KANK1: variants seen among roughly 807,000 people sequenced by gnomAD.
KANK1 encodes KN motif and ankyrin repeat domains 1, also known as KN motif and ankyrin repeat domain-containing protein 1.
KANK1 carries 109 observed loss-of-function variants against 106.2 expected under a neutral mutation model. The observed-to-expected ratio is 1.03, with a 90% confidence interval of 0.88 to 1.20. KANK1 has a LOEUF of 1.20. Ranked by LOEUF, KANK1 falls within the 50% of genes most tolerant of loss-of-function variation. The pLI is 0.00. For synonymous variants in KANK1, 873 were observed against 652.2 expected, an observed-to-expected ratio of 1.34 and a Z score of -5.16; for missense variants, 2,399 against 1,710.7, an observed-to-expected ratio of 1.40 and a Z score of -7.10.
At chr9:695,814 G>A (rs575080939) in intron 2 of KANK1, among the ~76,000 whole-genome samples, 2 of 152,266 alleles carry the variant, frequency 1.3e-5, no homozygotes, top group East Asian at 3.9e-4. Context: ...GCCGACAGCT[G>A]CAAAGCAGCA....
At chr9:572,510 C>G (rs987599576) in intron 1 of KANK1, among the ~76,000 whole-genome samples, 2 of 151,908 alleles carry the variant, frequency 1.3e-5, no homozygotes, top group African/African-American at 4.8e-5. Flanking sequence ...CGAGATCGCT[C>G]CACTGCACTC....
At chr9:614,338 A>G (rs1831283895) in intron 1 of KANK1, among the ~76,000 whole-genome samples, 1 of 152,204 alleles carries the variant, frequency 6.6e-6, no homozygotes, top group African/African-American at 2.4e-5. Context: ...CTATTCAGGT[A>G]ATAGGATCTT....
chr9:553,679 G>T (rs2061410037), intron 1 of KANK1, among the ~76,000 whole-genome samples: 1 of 152,184 alleles, frequency 6.6e-6, no homozygotes, highest in African/African-American at 2.4e-5. Flanking sequence ...TGAAGTATGA[G>T]AAAAATATAA....
intron 1 of KANK1, among the ~76,000 whole-genome samples, chr9:566,414 G>C (rs1456091226): frequency 6.6e-6 from 1 of 152,186 alleles, no homozygotes; most frequent in African/African-American, 2.4e-5. Context: ...TATATTTTTA[G>C]AACTTTGAAG....
chr9:574,799 G>T (rs557766009), intron 1 of KANK1, among the ~76,000 whole-genome samples: 2 of 148,590 alleles, frequency 1.3e-5, no homozygotes, highest in African/African-American at 5.0e-5. Context: ...AGGTTGCAGT[G>T]AGCCGAGATT....
chr9:629,201 G>T (rs1835081294), intron 1 of KANK1, among the ~76,000 whole-genome samples: 1 of 152,016 alleles, frequency 6.6e-6, no homozygotes, highest in South Asian at 2.1e-4. Context: ...CATGAGAGTT[G>T]CTCCCAGCCG....
intron 1 of KANK1, among the ~76,000 whole-genome samples, chr9:651,804 G>T (rs1840937800): frequency 6.6e-6 from 1 of 152,182 alleles, no homozygotes; most frequent in Admixed American, 6.5e-5. Flanking sequence ...TACCAACATA[G>T]ATAATGTTTG....
chr9:684,682 G>C (rs1312333583), intron 2 of KANK1: 3 of 640,740 alleles, frequency 4.7e-6, no homozygotes, highest in African/African-American at 2.0e-5. Context: ...TCCTTTTCCA[G>C]GGTTTGCCTT....
At position 554,300 on chromosome 9, in the gene KANK1, G is replaced by A. The variant is rs57157287; in HGVS notation, c.-84+49546G>A. ...GTCTGAAGATCCAAGAACCAGGTGC[G>A]CTGATGTCTGAGGGCAGGAAAAGAT... On this transcript the variant is annotated intron_variant, in intron 1 of 11. Transcript: ENST00000382297. Among the ~76,000 whole-genome samples, 1,038 of 152,274 alleles carry A rather than the reference G, an allele frequency of 6.8e-3. 15 individuals carry two copies. The highest frequency in any genetic ancestry group is 0.023 in the African/African-American group (947 of 41,552).
intron 1 of KANK1, chr9:540,707 T>G (rs1262009991): frequency 6.6e-6 from 1 of 152,232 alleles, no homozygotes; most frequent in Non-Finnish European, 1.5e-5. Flanking sequence ...TTACTATTGG[T>G]CTCTTCAGAT....
intron 7 of KANK1, among the ~76,000 whole-genome samples, chr9:737,557 G>C (rs997317914): frequency 2.6e-5 from 4 of 152,206 alleles, no homozygotes; most frequent in Non-Finnish European, 5.9e-5. Context: ...CATCCACAAA[G>C]CAAGTGCCTT....
At chr9:494,758 G>C (rs1047373305) in intron 3 of KANK1, among the ~76,000 whole-genome samples, 1 of 152,236 alleles carries the variant, frequency 6.6e-6, no homozygotes, top group African/African-American at 2.4e-5. Context: ...CCCCGCTACT[G>C]TATGTCACAC....
Position 529,437 on chromosome 9 carries a change from G to C in KANK1, c.-84+24683G>C, listed in dbSNP as rs1038040816. On this transcript the variant is annotated intron_variant, in intron 1 of 11. Coordinates refer to ENST00000382297, the MANE Select transcript of KANK1 (RefSeq NM_015158.5). Reference sequence around the variant, plus strand: ...GATGGTGTTGATCTCTCGACCTCGTGATCCACTTGCCTTCGCCTTCCAAAG... The same window carrying C: ...GATGGTGTTGATCTCTCGACCTCGTCATCCACTTGCCTTCGCCTTCCAAAG... Among the ~76,000 whole-genome samples the C allele has an allele frequency of 5.9e-5, 9 of 151,782 alleles. No individual in the cohort carries two copies. In the East Asian group the frequency reaches 1.2e-3, roughly 20 times the overall value.
intron 3 of KANK1, among the ~76,000 whole-genome samples, chr9:729,063 C>A (rs1478141905): frequency 6.6e-6 from 1 of 152,162 alleles, no homozygotes; most frequent in Admixed American, 6.5e-5. Context: ...TCAGAGTAAA[C>A]CTCTTTTTTA....
At chr9:552,778 G>A (rs1401270417) in intron 1 of KANK1, among the ~76,000 whole-genome samples, 1 of 152,170 alleles carries the variant, frequency 6.6e-6, no homozygotes, top group African/African-American at 2.4e-5. Flanking sequence ...GGTGCTTGTG[G>A]TTAGGTATTG....
At chr9:510,067 C>T (rs946647880) in intron 1 of KANK1, among the ~76,000 whole-genome samples, 2 of 151,980 alleles carry the variant, frequency 1.3e-5, no homozygotes, top group Non-Finnish European at 2.9e-5. Context: ...CCTCCTTGCC[C>T]TCCTAAAAGT....
At chr9:703,938 T>C (rs1020348153) in intron 2 of KANK1, among the ~76,000 whole-genome samples, 2 of 152,284 alleles carry the variant, frequency 1.3e-5, no homozygotes, top group South Asian at 4.1e-4. Flanking sequence ...GGTCTTGAAC[T>C]CCTGACCTCA....
chr9:501,739 AG>A (rs1231365103), upstream of KANK1, among the ~76,000 whole-genome samples: 1 of 152,068 alleles, frequency 6.6e-6, no homozygotes, highest in African/African-American at 2.4e-5. Flanking sequence ...AATAGAGATG[AG>A]GTCTCACTTT....
At chr9:543,006 TTAC>T (rs1473494373) in intron 1 of KANK1, among the ~76,000 whole-genome samples, 1 of 152,148 alleles carries the variant, frequency 6.6e-6, no homozygotes, top group Non-Finnish European at 1.5e-5. Context: ...TACTTGGAAA[TTAC>T]TAAGAGATTA....
Sources: allele counts gnomAD v4.1 joint callset (sites outside exome capture counted in the v4.1 genomes callset), GRCh38; gene constraint gnomAD v4.1.1; transcripts MANE v1.5; gene names NCBI Gene and HGNC (gene_info 2026-07-23, HGNC 2026-07-21).